The following SLC25A13 variants were observed in gnomAD, a reference collection of about 807,000 sequenced individuals.
SLC25A13 encodes the protein solute carrier family 25 member 13.
SLC25A13 carries 70 observed loss-of-function variants against 85.5 expected under a neutral mutation model. The ratio of observed to expected loss-of-function variants is 0.82; its 90% CI spans 0.68 to 1.00. The LOEUF (loss-of-function observed/expected upper bound fraction) is 1.00, where lower values mean the gene tolerates loss of function less well. Ranked by LOEUF, SLC25A13 falls within the 50% of genes least tolerant of loss-of-function variation. The probability of loss-of-function intolerance (pLI) is 0.00; values close to 1 mark genes in which losing one functional copy is unlikely to be tolerated. For missense variants in SLC25A13, 765 were observed against 819.8 expected (o/e 0.93, Z 0.82); for synonymous variants, 259 against 288.7 (o/e 0.90, Z 1.04).
chr7:96,204,723 G>A (rs1373269039), intron 5 of SLC25A13, among the ~76,000 whole-genome samples: 1 of 152,110 alleles, frequency 6.6e-6, no homozygotes, highest in Non-Finnish European at 1.5e-5. Flanking sequence ...GATATACCCA[G>A]ATACAAGTCC....
intron 15 of SLC25A13, among the ~76,000 whole-genome samples, chr7:96,126,192 G>A (rs144846150): frequency 0.01 from 1,524 of 152,260 alleles, 15 homozygotes; most frequent in Non-Finnish European, 0.015. Flanking sequence ...GTGTAACTGG[G>A]TGCAAGGGGT....
intron 13 of SLC25A13, among the ~76,000 whole-genome samples, chr7:96,154,134 T>A (rs1793157115): frequency 6.6e-6 from 1 of 152,140 alleles, no homozygotes; most frequent in Non-Finnish European, 1.5e-5. Flanking sequence ...CCTGAAGATG[T>A]CTGAAGACAG....
At chr7:96,262,535 T>C (rs1797893540) in intron 3 of SLC25A13, among the ~76,000 whole-genome samples, 1 of 149,042 alleles carries the variant, frequency 6.7e-6, no homozygotes, top group South Asian at 2.1e-4. Context: ...AAAAAAAGAG[T>C]AAGAGGTAAG....
chr7:96,167,643 A>C (rs1449029896), intron 13 of SLC25A13, among the ~76,000 whole-genome samples: 3 of 152,252 alleles, frequency 2.0e-5, no homozygotes, highest in Non-Finnish European at 4.4e-5. Flanking sequence ...GGATGAACTA[A>C]GATGAGGAAC....
At chr7:96,278,581 T>C (rs1388325358) in intron 2 of SLC25A13, among the ~76,000 whole-genome samples, 1 of 152,210 alleles carries the variant, frequency 6.6e-6, no homozygotes, top group East Asian at 1.9e-4. Context: ...GCAAAATGAA[T>C]AGAATAACAT....
At chr7:96,235,612 G>C (rs1381494533) in intron 3 of SLC25A13, among the ~76,000 whole-genome samples, 1 of 152,174 alleles carries the variant, frequency 6.6e-6, no homozygotes, top group Non-Finnish European at 1.5e-5. Flanking sequence ...GTGTAGACTA[G>C]AGGGCACTTC....
chr7:96,205,667 C>G (rs767695526), intron 5 of SLC25A13, among the ~76,000 whole-genome samples: 1 of 152,196 alleles, frequency 6.6e-6, no homozygotes, highest in South Asian at 2.1e-4. Context: ...CAAATAATAT[C>G]GAATTGATTT....
chr7:96,300,904 G>A (rs565214375), intron 1 of SLC25A13, among the ~76,000 whole-genome samples: 10 of 152,196 alleles, frequency 6.6e-5, no homozygotes, highest in Admixed American at 1.3e-4. Context: ...GTGGCTGTTC[G>A]GAATTTCCAT....
At chr7:96,205,667 C>T (rs767695526) in intron 5 of SLC25A13, among the ~76,000 whole-genome samples, 4 of 152,078 alleles carry the variant, frequency 2.6e-5, no homozygotes, top group African/African-American at 7.2e-5. Flanking sequence ...CAAATAATAT[C>T]GAATTGATTT....
At chr7:96,189,459 T>C in intron 8 of SLC25A13, 81 bp from the exon 9 acceptor site, 4 of 1,554,392 alleles carry the variant, frequency 2.6e-6, no homozygotes, top group Admixed American at 1.7e-5. Flanking sequence ...ACATCCCTTT[T>C]TTCATTTCTC....
intron 11 of SLC25A13, among the ~76,000 whole-genome samples, chr7:96,179,892 G>C (rs2116614153): frequency 6.6e-6 from 1 of 152,260 alleles, no homozygotes; most frequent in African/African-American, 2.4e-5. Context: ...CATGAATTAT[G>C]CAAGAATGAA....
chr7:96,251,312 A>G (rs926512418), intron 3 of SLC25A13, among the ~76,000 whole-genome samples: 1 of 152,194 alleles, frequency 6.6e-6, no homozygotes, highest in Non-Finnish European at 1.5e-5. Flanking sequence ...AGAGAGTACC[A>G]CAAGGCCTTG....
intron 1 of SLC25A13, among the ~76,000 whole-genome samples, chr7:96,307,198 C>T (rs1223348205): frequency 6.6e-6 from 1 of 151,452 alleles, no homozygotes; most frequent in South Asian, 2.1e-4. Context: ...ACCTTATATA[C>T]ATCACAATTC....
chr7:96,165,164 G>C (rs1793692730), intron 13 of SLC25A13, among the ~76,000 whole-genome samples: 1 of 152,076 alleles, frequency 6.6e-6, no homozygotes, highest in Admixed American at 6.5e-5. Context: ...CCATGAAGGA[G>C]ACAGAAAATA....
intron 2 of SLC25A13, among the ~76,000 whole-genome samples, chr7:96,292,201 C>T (rs1477827370): frequency 6.6e-6 from 1 of 152,134 alleles, no homozygotes; most frequent in Non-Finnish European, 1.5e-5. Context: ...TCAATAGATG[C>T]AGAAAAGGCC....
chr7:96,243,265 CCA>C (rs1330716250), intron 3 of SLC25A13, among the ~76,000 whole-genome samples: 2 of 152,192 alleles, frequency 1.3e-5, no homozygotes, highest in Non-Finnish European at 2.9e-5. Context: ...CACACCGGCC[CCA>C]GAGTCTGACT....
chr7:96,296,630 G>A (rs1339080084), intron 2 of SLC25A13, among the ~76,000 whole-genome samples: 1 of 152,004 alleles, frequency 6.6e-6, no homozygotes, highest in East Asian at 1.9e-4. Flanking sequence ...ACAGGCACGT[G>A]CCACCACACC....
chr7:96,148,108 T>C (rs1338341138), intron 13 of SLC25A13, among the ~76,000 whole-genome samples: 1 of 152,240 alleles, frequency 6.6e-6, no homozygotes, highest in African/African-American at 2.4e-5. Flanking sequence ...TTTTACCAAC[T>C]TGATACCTTA....
intron 5 of SLC25A13, among the ~76,000 whole-genome samples, chr7:96,194,673 C>CAG: frequency 1.3e-5 from 2 of 152,126 alleles, no homozygotes; most frequent in Middle Eastern, 3.4e-3. Flanking sequence ...TTAAAGTACT[C>CAG]GATCTTCCTT....
Sources: allele counts gnomAD v4.1 joint callset (sites outside exome capture counted in the v4.1 genomes callset), GRCh38; gene constraint gnomAD v4.1.1; transcripts MANE v1.5; gene names NCBI Gene and HGNC (gene_info 2026-07-23, HGNC 2026-07-21).